The following CEP112 variants were observed in gnomAD, a reference collection of about 807,000 sequenced individuals.
The protein encoded by CEP112 is centrosomal protein of 112 kDa.
CEP112 carries 127 observed loss-of-function variants against 153.0 expected under a neutral mutation model. The ratio of observed to expected loss-of-function variants is 0.83; its 90% CI spans 0.72 to 0.96. The LOEUF is 0.96. CEP112 is among the 40% of genes least tolerant of loss of function. CEP112 has a pLI of 0.00. For missense variants in CEP112, 1,089 were observed against 1,101.2 expected, an observed-to-expected ratio of 0.99 and a Z score of 0.16; for synonymous variants, 358 against 374.4, an observed-to-expected ratio of 0.96 and a Z score of 0.51.
At chr17:65,639,838 T>TTC (rs1242659793) in intron 25 of CEP112, among the ~76,000 whole-genome samples, 5 of 135,842 alleles carry the variant, frequency 3.7e-5, no homozygotes, top group African/African-American at 1.2e-4. Context: ...CTTTCTTTCT[T>TTC]TTTTTTTTTT....
intron 8 of CEP112, among the ~76,000 whole-genome samples, chr17:66,090,736 T>C (rs1331950086): frequency 6.6e-6 from 1 of 152,018 alleles, no homozygotes; most frequent in Non-Finnish European, 1.5e-5. Context: ...AATTCTCTAA[T>C]CAAAAGACAG....
chr17:66,063,010 T>C lies in CEP112; in HGVS notation c.1027A>G (p.Ile343Val), dbSNP rs1242656211. Residue 343 changes from isoleucine (I) to valine (V), a missense_variant, in exon 11 of 27, where the codon ATA becomes GTA. Physicochemically the swap from Ile to Val is conservative, Grantham distance 29. Transcript: ENST00000535342. The part of the protein sequence containing the change: ...KEDQIAELKK[I>V]CEQSTESLNN... ...AGAGATTCCGTACTTTGTTCACATA[T>C]CTTTTTCAGCTCTGCAATCTGGTCT... The C allele has an allele frequency of 6.2e-7, 1 of 1,602,264 alleles. No individual in the cohort carries two copies. The highest frequency in any genetic ancestry group is 8.5e-7 in the Non-Finnish European group (1 of 1,174,608).
intron 21 of CEP112, among the ~76,000 whole-genome samples, chr17:65,768,385 A>C (rs1246050129): frequency 2.0e-5 from 3 of 152,104 alleles, no homozygotes; most frequent in Non-Finnish European, 4.4e-5. Context: ...GCAGAGGCAG[A>C]AGAAAATCTG....
chr17:65,759,634 G>C (rs1189099425), intron 21 of CEP112, among the ~76,000 whole-genome samples: 1 of 152,132 alleles, frequency 6.6e-6, no homozygotes, highest in Non-Finnish European at 1.5e-5. Flanking sequence ...AACTGCCACA[G>C]TAAACAATGA....
chr17:65,797,453 TAA>T (rs2055004532), intron 21 of CEP112, among the ~76,000 whole-genome samples: 1 of 152,202 alleles, frequency 6.6e-6, no homozygotes, highest in South Asian at 2.1e-4. Flanking sequence ...TTTGGGAGGA[TAA>T]AGATACCTGC....
chr17:66,062,522 T>C (rs1202520761), intron 11 of CEP112, among the ~76,000 whole-genome samples: 1 of 152,096 alleles, frequency 6.6e-6, no homozygotes, highest in East Asian at 1.9e-4. Context: ...CTAAAAAATG[T>C]AAAATCATTA....
chr17:65,637,473 T>C (rs2044835291), intron 25 of CEP112, among the ~76,000 whole-genome samples: 1 of 152,220 alleles, frequency 6.6e-6, no homozygotes, highest in Non-Finnish European at 1.5e-5. Context: ...TGCCCACCAC[T>C]GCTGCTTCCA....
At chr17:65,909,226 C>T (rs555555149) in intron 19 of CEP112, among the ~76,000 whole-genome samples, 11 of 152,056 alleles carry the variant, frequency 7.2e-5, no homozygotes, top group Non-Finnish European at 7.4e-5. Flanking sequence ...AAATACTAAC[C>T]AAAATAATCT....
At chr17:65,998,208 C>T (rs1199658354) in intron 17 of CEP112, among the ~76,000 whole-genome samples, 1 of 151,376 alleles carries the variant, frequency 6.6e-6, no homozygotes, top group African/African-American at 2.4e-5. Context: ...TGGTGAAACC[C>T]TGTCTCTACC....
intron 2 of CEP112, 149 bp downstream of exon 2, chr17:66,183,045 C>T (rs559717049): frequency 2.0e-6 from 1 of 493,308 alleles, no homozygotes; most frequent in East Asian, 3.2e-5. Context: ...TACCCTTGAA[C>T]AACTCAGTGT....
At chr17:65,750,417 GTA>G (rs1465863365) in intron 22 of CEP112, among the ~76,000 whole-genome samples, 4 of 152,108 alleles carry the variant, frequency 2.6e-5, no homozygotes, top group Non-Finnish European at 5.9e-5. Context: ...GAGAGTGTGT[GTA>G]TGTGTGTGTG....
At chr17:65,918,659 T>G (rs2060585364) in intron 19 of CEP112, among the ~76,000 whole-genome samples, 2 of 152,230 alleles carry the variant, frequency 1.3e-5, no homozygotes, top group Non-Finnish European at 2.9e-5. Context: ...GTTGGTTGTT[T>G]GTTTCCAACT....
At chr17:66,107,023 A>G (rs2068811863) in intron 6 of CEP112, among the ~76,000 whole-genome samples, 1 of 152,182 alleles carries the variant, frequency 6.6e-6, no homozygotes, top group Admixed American at 6.5e-5. Flanking sequence ...AAATCATAAC[A>G]ACACAATGAA....
At chr17:65,785,740 G>A (rs953127174) in intron 21 of CEP112, among the ~76,000 whole-genome samples, 7 of 152,044 alleles carry the variant, frequency 4.6e-5, no homozygotes, top group African/African-American at 1.7e-4. Context: ...TTTCTTCTAA[G>A]AGTTTCATAG....
intron 20 of CEP112, among the ~76,000 whole-genome samples, chr17:65,892,556 T>C (rs1450923710): frequency 6.6e-6 from 1 of 152,076 alleles, no homozygotes; most frequent in African/African-American, 2.4e-5. Context: ...TAGAAATGGT[T>C]AGAGAGGTGA....
chr17:65,916,126 C>A (rs1380361623), intron 19 of CEP112, among the ~76,000 whole-genome samples: 1 of 152,182 alleles, frequency 6.6e-6, no homozygotes, highest in African/African-American at 2.4e-5. Context: ...TACAATAACA[C>A]CTTGTATAAA....
intron 19 of CEP112, among the ~76,000 whole-genome samples, chr17:65,915,649 G>A (rs146189967): frequency 2.6e-5 from 4 of 151,972 alleles, no homozygotes; most frequent in Non-Finnish European, 4.4e-5. Flanking sequence ...TTAGCCAGGC[G>A]TGGTGGTGGG....
chr17:65,852,530 A>G lies in CEP112; in HGVS notation c.2164-496T>C, dbSNP rs575428377. Reference sequence around the variant, plus strand: ...CCCTCCTCTACTTCCTTCATTCCATATTCCCATGTCATTCCTTCCTAGCTC... The same window carrying G: ...CCCTCCTCTACTTCCTTCATTCCATGTTCCCATGTCATTCCTTCCTAGCTC... On this transcript the variant is annotated intron_variant, in intron 20 of 26. Coordinates refer to ENST00000535342, the MANE Select transcript of CEP112 (RefSeq NM_001199165.4). Among the ~76,000 whole-genome samples, 258 of 129,186 alleles carry G rather than the reference A, an allele frequency of 2.0e-3. 1 individual carries two copies. The highest frequency in any genetic ancestry group is 7.5e-3 in the African/African-American group (248 of 33,128). The allele number at this position is 129,186 out of a possible 152,430, so 84.8% of individuals were successfully genotyped here. A position where few individuals can be genotyped will look rare whatever the true frequency, so the allele number is the denominator to read the frequency against.
intron 21 of CEP112, among the ~76,000 whole-genome samples, chr17:65,795,117 T>C (rs1422410826): frequency 3.9e-5 from 6 of 152,232 alleles, no homozygotes; most frequent in Admixed American, 2.6e-4. Flanking sequence ...ATTTTATAGA[T>C]GGCAACACTG....
Sources: allele counts gnomAD v4.1 joint callset (sites outside exome capture counted in the v4.1 genomes callset), GRCh38; gene constraint gnomAD v4.1.1; transcripts MANE v1.5; gene names NCBI Gene and HGNC (gene_info 2026-07-23, HGNC 2026-07-21).